The following SMYD3 variants were observed in gnomAD, a reference collection of about 807,000 sequenced individuals.
The protein encoded by SMYD3 is histone-lysine N-methyltransferase SMYD3.
Under a neutral mutation model 57.7 loss-of-function variants are expected in SMYD3, and 36 were observed. That is an observed-to-expected ratio of 0.62 (90% CI 0.48 to 0.82). The LOEUF (loss-of-function observed/expected upper bound fraction) is 0.82. Ranked by LOEUF, SMYD3 falls within the 40% of genes least tolerant of loss-of-function variation. SMYD3 has a pLI of 0.00. For synonymous variants in SMYD3, 211 were observed against 195.0 expected (o/e 1.08, Z -0.68); for missense variants, 515 against 538.8 (o/e 0.96, Z 0.44).
intron 8 of SMYD3, among the ~76,000 whole-genome samples, chr1:245,870,008 A>G (rs951428005): frequency 6.6e-6 from 1 of 152,124 alleles, no homozygotes; most frequent in Admixed American, 6.5e-5. Flanking sequence ...TTGCCTCCCC[A>G]GGTATCCTCA....
At chr1:245,856,521 A>G (rs1478369002) in intron 10 of SMYD3, among the ~76,000 whole-genome samples, 2 of 152,336 alleles carry the variant, frequency 1.3e-5, no homozygotes, top group South Asian at 2.1e-4. Flanking sequence ...ATTCTGGTGG[A>G]GGACTTGGCC....
At chr1:245,911,739 T>C (rs2055005193) in intron 8 of SMYD3, among the ~76,000 whole-genome samples, 1 of 151,910 alleles carries the variant, frequency 6.6e-6, no homozygotes, top group Admixed American at 6.6e-5. Flanking sequence ...GAAAGAGTAG[T>C]AGGTAGAGGG....
At chr1:246,120,489 C>CGAGAG (rs2061408386) in intron 5 of SMYD3, among the ~76,000 whole-genome samples, 1 of 152,082 alleles carries the variant, frequency 6.6e-6, no homozygotes, top group Non-Finnish European at 1.5e-5. Flanking sequence ...CTGAGGCTCT[C>CGAGAG]CTCTTCAGTC....
intron 5 of SMYD3, among the ~76,000 whole-genome samples, chr1:246,123,620 A>ACACACACAC (rs1558249143): frequency 2.0e-5 from 3 of 149,266 alleles, no homozygotes; most frequent in African/African-American, 7.5e-5. Context: ...ACACACACAC[A>ACACACACAC]AATCATTCTG....
intron 10 of SMYD3, among the ~76,000 whole-genome samples, chr1:245,777,586 A>G (rs1403151169): frequency 6.6e-6 from 1 of 152,046 alleles, no homozygotes; most frequent in East Asian, 1.9e-4. Flanking sequence ...ACCCAAAAGA[A>G]CCTCATCAAA....
chr1:246,398,337 T>G (rs963223415), intron 1 of SMYD3, among the ~76,000 whole-genome samples: 1 of 152,208 alleles, frequency 6.6e-6, no homozygotes. Context: ...ATTCTTCCCG[T>G]GGTTAGTTTG....
intron 1 of SMYD3, 56 bp downstream of exon 1, chr1:246,506,998 T>TCCCCCGCCCCCC: frequency 4.5e-6 from 1 of 221,878 alleles, no homozygotes; most frequent in Non-Finnish European, 5.8e-6. Flanking sequence ...CGCCCCCCCC[T>TCCCCCGCCCCCC]CCCCAGCACC....
At chr1:245,851,403 C>T (rs916694254) in intron 10 of SMYD3, among the ~76,000 whole-genome samples, 56 of 152,316 alleles carry the variant, frequency 3.7e-4, no homozygotes, top group African/African-American at 1.3e-3. Context: ...CAACTATGAT[C>T]TATACATCCA....
intron 10 of SMYD3, among the ~76,000 whole-genome samples, chr1:245,850,964 A>G (rs12025502): frequency 0.2 from 30,626 of 151,840 alleles, 4,521 homozygotes; most frequent in East Asian, 0.59. Context: ...GGAGCTAAAC[A>G]GGGGTTTAGC....
At chr1:246,457,278 T>C (rs1312877153) in intron 1 of SMYD3, among the ~76,000 whole-genome samples, 2 of 151,790 alleles carry the variant, frequency 1.3e-5, no homozygotes, top group Non-Finnish European at 2.9e-5. Flanking sequence ...ACTCCTCTAT[T>C]GGAAACTCTC....
At chr1:246,166,189 T>C (rs545187531) in intron 5 of SMYD3, among the ~76,000 whole-genome samples, 105 of 152,294 alleles carry the variant, frequency 6.9e-4, no homozygotes, top group African/African-American at 2.4e-3. Flanking sequence ...TCTGGGCAAC[T>C]TGGAAAATAA....
At position 245,927,946 on chromosome 1, in the gene SMYD3, G is replaced by T. The variant is rs765301713; in HGVS notation, c.687C>A (p.Ile229=). The T allele has an allele frequency of 1.2e-6, 2 of 1,611,546 alleles. No homozygotes were observed. The highest frequency in any genetic ancestry group is 1.7e-6 in the Non-Finnish European group (2 of 1,178,532). ...GTTTCCTTACCTCCTCTCCCACCTC[G>T]ATGTCTCGGACTGCTCGCAGTAAGA... ...PHLLLRAVRD[I]EVGEELTICY... The change falls in exon 7 of 12, where the codon ATC becomes ATA. Residue 229 remains isoleucine (I), a synonymous_variant. Coordinates refer to ENST00000490107, the MANE Select transcript of SMYD3 (RefSeq NM_001167740.2).
chr1:246,346,238 G>A (rs945356594), intron 2 of SMYD3, among the ~76,000 whole-genome samples: 39 of 151,906 alleles, frequency 2.6e-4, no homozygotes, highest in African/African-American at 9.4e-4. Context: ...GAGCCGAGAC[G>A]TTCTACTGCA....
rs145085232 is a variant in SMYD3, at chr1:245,923,757, C to G, written c.702+4174G>C. Among the ~76,000 whole-genome samples the G allele has an allele frequency of 2.7e-3, 410 of 152,316 alleles. 6 individuals carry two copies. Among genetic ancestry groups the G allele is most frequent in the Middle Eastern group, 0.01 (3 of 294 alleles). On this transcript the variant is annotated intron_variant, in intron 7 of 11. Transcript: ENST00000490107. ...GCTGCTGTAAGCCTGTGCCCATTTA[C>G]ACCACTGTGCATCTTAATTCTATTA...
In SMYD3 at chr1:246,372,801, G is replaced by A. The variant is rs565737593; in HGVS notation, c.165-17707C>T. Reference sequence around the variant, plus strand: ...AGGTCAGGAGAGAGGAGAAAATGCAGTATAACAAAAAGGGAGTTAGAATGT... The same window carrying A: ...AGGTCAGGAGAGAGGAGAAAATGCAATATAACAAAAAGGGAGTTAGAATGT... On this transcript the variant is annotated intron_variant, in intron 1 of 11. Transcript: ENST00000490107. Among the ~76,000 whole-genome samples, 5 of 152,286 alleles carry A rather than the reference G, an allele frequency of 3.3e-5. No individual in the cohort carries two copies. The East Asian group carries it at 9.6e-4, about 29-fold the overall frequency.
At chr1:246,464,251 C>G (rs2067850893) in intron 1 of SMYD3, among the ~76,000 whole-genome samples, 1 of 152,160 alleles carries the variant, frequency 6.6e-6, no homozygotes. Flanking sequence ...TGCAGTGGCT[C>G]ACTCCTGTAG....
intron 2 of SMYD3, among the ~76,000 whole-genome samples, chr1:246,354,149 C>G (rs557232087): frequency 2.6e-5 from 4 of 152,114 alleles, no homozygotes; most frequent in Non-Finnish European, 4.4e-5. Context: ...TGGAGGGTGG[C>G]AGGGAGGAGG....
chr1:246,495,559 G>C lies in SMYD3; in HGVS notation c.164+11495C>G, dbSNP rs148652345. On this transcript the variant is annotated intron_variant, in intron 1 of 11. Coordinates refer to ENST00000490107, the MANE Select transcript of SMYD3 (RefSeq NM_001167740.2). ...AGAGCTGTTCAAAGACAAACACAAA[G>C]AGGGAAAAAGTCCCAAGAACTAGTT... is the stretch of plus-strand genomic sequence containing the variant. Among the ~76,000 whole-genome samples, 971 of 152,204 alleles carry C rather than the reference G, an allele frequency of 6.4e-3. 3 individuals carry two copies. The highest frequency in any genetic ancestry group is 0.01 in the Non-Finnish European group (700 of 68,018).
intron 5 of SMYD3, among the ~76,000 whole-genome samples, chr1:246,218,620 CAAA>C (rs551976972): frequency 3.1e-5 from 4 of 127,370 alleles, no homozygotes; most frequent in Admixed American, 8.1e-5. Context: ...GACTCCGTCT[CAAA>C]AAAAAAAAAA....
Sources: gnomAD v4.1 joint callset for allele counts (sites outside exome capture counted in the v4.1 genomes callset) on GRCh38, gnomAD v4.1.1 for gene constraint, MANE v1.5 for transcripts, NCBI Gene and HGNC (gene_info 2026-07-23, HGNC 2026-07-21) for gene names.